The following TSEN2 variants were observed in gnomAD, a reference collection of about 807,000 sequenced individuals.
TSEN2 encodes the protein tRNA splicing endonuclease subunit 2, also known as tRNA-splicing endonuclease subunit Sen2.
TSEN2 carries 54 observed loss-of-function variants against 59.2 expected under a neutral mutation model. The ratio of observed to expected loss-of-function variants is 0.91; its 90% confidence interval spans 0.73 to 1.14. The LOEUF is 1.14. Ranked by LOEUF, TSEN2 falls within the 50% of genes most tolerant of loss-of-function variation. The pLI is 0.00. For synonymous variants in TSEN2, 195 were observed against 198.2 expected (o/e 0.98, Z 0.14); for missense variants, 636 against 576.2 (o/e 1.10, Z -1.06).
rs2057563181 is a variant in TSEN2, at chr3:12,533,067, A to C, written c.*346A>C. On this transcript the variant is annotated 3_prime_UTR_variant, in exon 12 of 12. Coordinates refer to ENST00000284995, the MANE Select transcript of TSEN2 (RefSeq NM_025265.4). ...GACATTTATTCTCTGATTTTACCTG[A>C]AAATGGTAGTAGTTTACATTTATAC... 5.1e-6 allele frequency: 2 copies of C among 388,806 alleles called. No homozygotes were observed. 24.1% of individuals were successfully genotyped at this position (388,806 alleles called of 1,614,324 possible).
chr3:12,524,897 C>T (rs1357337229), intron 8 of TSEN2, among the ~76,000 whole-genome samples: 5 of 152,106 alleles, frequency 3.3e-5, no homozygotes, highest in African/African-American at 9.6e-5. Context: ...TGCTTGCCAC[C>T]GTGCTTGAGC....
chr3:12,497,744 G>A (rs534335477), intron 4 of TSEN2, among the ~76,000 whole-genome samples: 1 of 152,226 alleles, frequency 6.6e-6, no homozygotes, highest in Non-Finnish European at 1.5e-5. Context: ...CTCTTTAGGA[G>A]CACTACAGTA....
At chr3:12,493,023 A>G (rs1394434744) in intron 3 of TSEN2, among the ~76,000 whole-genome samples, 1 of 152,190 alleles carries the variant, frequency 6.6e-6, no homozygotes, top group African/African-American at 2.4e-5. Flanking sequence ...ATAAATAACA[A>G]TCATACAATA....
intron 4 of TSEN2, among the ~76,000 whole-genome samples, chr3:12,499,474 A>T (rs139628827): frequency 6.6e-6 from 1 of 152,226 alleles, no homozygotes; most frequent in Non-Finnish European, 1.5e-5. Flanking sequence ...TACCATCACC[A>T]TTATAGCCAA....
chr3:12,526,012 A>G (rs1347743850), intron 8 of TSEN2, among the ~76,000 whole-genome samples: 2 of 152,002 alleles, frequency 1.3e-5, no homozygotes, highest in Non-Finnish European at 2.9e-5. Flanking sequence ...GGTTCATTGT[A>G]TGTTAACCTG....
intron 1 of TSEN2, among the ~76,000 whole-genome samples, 181 bp from the exon 2 acceptor site, chr3:12,489,603 A>G (rs1016080348): frequency 3.3e-5 from 5 of 152,188 alleles, no homozygotes; most frequent in Non-Finnish European, 5.9e-5. Context: ...TTCTAGGTCA[A>G]TATGATTTAC....
At chr3:12,524,784 T>G (rs1262007283) in intron 8 of TSEN2, among the ~76,000 whole-genome samples, 1 of 147,952 alleles carries the variant, frequency 6.8e-6, no homozygotes. Context: ...GCTCTGTTGC[T>G]CAGGCTGGAG....
At position 12,489,038 on chromosome 3, in the gene TSEN2, CTG is replaced by C. The variant is rs2052939305; in HGVS notation, c.-17-744_-17-743del. ...GTTCTAAGCACTTTATGGATCTTAA[CTG>C]TAAGATAGAGTCGTTCTTATCTTGA... On this transcript the variant is annotated intron_variant, in intron 1 of 11. Coordinates refer to ENST00000284995, the MANE Select transcript of TSEN2 (RefSeq NM_025265.4). Among the ~76,000 whole-genome samples the C allele has an allele frequency of 2.0e-5, 3 of 152,306 alleles. No homozygotes were observed. In the South Asian group the frequency reaches 6.2e-4, roughly 32 times the overall value.
chr3:12,507,807 TTAAA>T (rs2055002323), intron 6 of TSEN2, among the ~76,000 whole-genome samples: 1 of 152,158 alleles, frequency 6.6e-6, no homozygotes, highest in Non-Finnish European at 1.5e-5. Context: ...GTAATACTTA[TTAAA>T]TGAATGAATG....
chr3:12,511,297 T>C (rs2055428794), intron 6 of TSEN2: 1 of 151,922 alleles, frequency 6.6e-6, no homozygotes, highest in Non-Finnish European at 1.5e-5. Flanking sequence ...TAATAAAACA[T>C]AAAGTAACAA....
chr3:12,486,303 T>C (rs1209338929), intron 1 of TSEN2, among the ~76,000 whole-genome samples: 2 of 152,230 alleles, frequency 1.3e-5, no homozygotes, highest in African/African-American at 4.8e-5. Context: ...ATTGCAGATA[T>C]GGGGAATGGT....
At chr3:12,512,295 T>A (rs1008453495) in intron 6 of TSEN2, among the ~76,000 whole-genome samples, 1 of 152,256 alleles carries the variant, frequency 6.6e-6, no homozygotes, top group Non-Finnish European at 1.5e-5. Flanking sequence ...AATGCAATGT[T>A]TTTTATGGGC....
At chr3:12,535,979 C>T, downstream of TSEN2, among the ~76,000 whole-genome samples, 1 of 152,196 alleles carries the variant, frequency 6.6e-6, no homozygotes, top group East Asian at 1.9e-4. Context: ...AGTTGCTTTG[C>T]AGACTGAATG....
chr3:12,517,622 G>A (rs1297689070), intron 7 of TSEN2, among the ~76,000 whole-genome samples: 1 of 152,182 alleles, frequency 6.6e-6, no homozygotes, highest in African/African-American at 2.4e-5. Flanking sequence ...GCTCTTGGGA[G>A]CACATAATTT....
upstream of TSEN2, among the ~76,000 whole-genome samples, chr3:12,480,607 T>G (rs550366895): frequency 7.2e-6 from 1 of 139,062 alleles, no homozygotes; most frequent in East Asian, 2.3e-4. Context: ...CTCCGCTCAC[T>G]GTAACCTCTG....
intron 4 of TSEN2, among the ~76,000 whole-genome samples, chr3:12,499,140 A>G (rs1039374782): frequency 7.2e-5 from 11 of 152,158 alleles, no homozygotes; most frequent in Non-Finnish European, 7.4e-5. Context: ...TTTTCCAATA[A>G]TAGTCGTCCT....
Position 12,524,806 on chromosome 3 carries a change from G to A in TSEN2, c.1100-4082G>A, listed in dbSNP as rs868321026. Among the ~76,000 whole-genome samples, 4 of 149,082 alleles carry A rather than the reference G, an allele frequency of 2.7e-5. No individual in the cohort carries two copies. In the South Asian group the frequency reaches 8.5e-4, roughly 32 times the overall value. On this transcript the variant is annotated intron_variant, in intron 8 of 11. Coordinates refer to ENST00000284995, the MANE Select transcript of TSEN2 (RefSeq NM_025265.4). ...TGCTCAGGCTGGAGTGCAGTGGCGC[G>A]ATCTCAGCTCACTGCAACCTCTGCC...
Position 12,532,719 on chromosome 3 carries a change from T to TA in TSEN2, c.1398dup, listed in dbSNP as rs2057543927. 1 of 1,614,164 alleles carries TA rather than the reference T, an allele frequency of 6.2e-7. No homozygotes were observed. Among genetic ancestry groups the TA allele is most frequent in the East Asian group, 2.2e-5 (1 of 44,882 alleles). ...AGAGAGGAGTGACCAAGACGATCTT[T>TA]AACAATTCAACCTCAAATTTCTAAT... ...SRERSDQDDL[*] The change falls in exon 12 of 12, where the codon TAA becomes TAAA. Residue 466 remains the stop codon, a frameshift_variant and stop_retained_variant. Coordinates refer to ENST00000284995, the MANE Select transcript of TSEN2 (RefSeq NM_025265.4). LOFTEE classifies it high-confidence loss of function.
In TSEN2 at chr3:12,503,770, G is replaced by T. The variant is rs750199728; in HGVS notation, c.817G>T (p.Ala273Ser). ...GTGTGCCATGAGCGAGAGGGAGGCT[G>T]CCCCAAATGAGGAAGTAAGTAGAAG... ...AECAMSEREA[A>S]PNEELVQRNR... The change falls in exon 5 of 12, where the codon GCC (alanine) becomes TCC (serine). Residue 273 changes from alanine to serine, a missense_variant. Ala to Ser is a moderately conservative substitution (Grantham distance 99). Transcript: ENST00000284995. 6.2e-7 allele frequency: 1 copy of T among 1,614,058 alleles called. No individual in the cohort carries two copies. The highest frequency in any genetic ancestry group is 1.1e-5 in the South Asian group (1 of 91,056).
Sources: allele counts gnomAD v4.1 joint callset (sites outside exome capture counted in the v4.1 genomes callset), GRCh38; gene constraint gnomAD v4.1.1; transcripts MANE v1.5; gene names NCBI Gene and HGNC (gene_info 2026-07-23, HGNC 2026-07-21).